ARHGAP29: variants seen among roughly 807,000 people sequenced by gnomAD.
ARHGAP29 encodes the protein Rho GTPase activating protein 29, also known as rho GTPase-activating protein 29.
In ARHGAP29, 43 loss-of-function variants were observed where a neutral mutation model predicts 122.6. The observed-to-expected ratio is 0.35, with a 90% CI of 0.27 to 0.45. ARHGAP29 has a LOEUF of 0.45. Among genes scored for constraint, ARHGAP29 ranks in the 20% least tolerant of loss-of-function variants. The pLI is 1.00. For synonymous variants in ARHGAP29, 506 were observed against 497.1 expected (o/e 1.02, Z -0.24); for missense variants, 1,303 against 1,477.2 (o/e 0.88, Z 1.93).
Position 94,213,869 on chromosome 1 carries a change from TTATCA to T in ARHGAP29, c.341-4524_341-4520del, listed in dbSNP as rs1199122480. ...AGATGTTCAAAAATGTTAGCTATTA[TTATCA>T]TATAACACAAAACACTGTCAACAAT... On this transcript the variant is annotated intron_variant, in intron 3 of 22. Coordinates refer to ENST00000260526, the MANE Select transcript of ARHGAP29 (RefSeq NM_004815.4). Among the ~76,000 whole-genome samples the T allele has an allele frequency of 7.2e-5, 11 of 152,226 alleles. No homozygotes were observed. The East Asian group carries it at 9.6e-4, about 13-fold the overall frequency.
At chr1:94,300,344 T>G in the ARHGAP29 span, among the ~76,000 whole-genome samples, 1 of 152,226 alleles carries the variant, frequency 6.6e-6, no homozygotes, top group Non-Finnish European at 1.5e-5. Flanking sequence ...GAGCCCTAAG[T>G]AGCTCCACTT....
upstream of ARHGAP29, among the ~76,000 whole-genome samples, chr1:94,280,016 C>CCTGTGATACAGTACTTTTT (rs1655299024): frequency 6.6e-6 from 1 of 151,904 alleles, no homozygotes; most frequent in Admixed American, 6.6e-5. Context: ...CTTGTTTTTT[C>CCTGTGATACAGTACTTTTT]CTGTGATACA....
chr1:94,169,377 T>C lies in ARHGAP29; in HGVS notation c.*4492A>G, dbSNP rs1387020062. Among the ~76,000 whole-genome samples, 1 of 152,116 alleles carries C rather than the reference T, an allele frequency of 6.6e-6. No individual in the cohort carries two copies. The highest frequency in any genetic ancestry group is 1.5e-5 in the Non-Finnish European group (1 of 68,024). On this transcript the variant is annotated 3_prime_UTR_variant, in exon 23 of 23. Transcript: ENST00000260526. The stretch of plus-strand genomic sequence containing the variant: ...AGCGCTGCTATGACTGCGGATTTAT[T>C]TGGCATATTTGGGACTGGGTGTGAT...
rs962474462 is a variant in ARHGAP29 at position 94,206,153 on chromosome 1, T to C, written c.511-470A>G. 3.6e-4 allele frequency among the ~76,000 whole-genome samples: 55 copies of C among 152,228 alleles called. 1 individual carries two copies. The highest frequency in any genetic ancestry group is 1.6e-4 in the Non-Finnish European group (11 of 68,032). Reference sequence around the variant, plus strand: ...TATGATGATGGAAGTGTTTTATATCTGTACTGTCCAATAAAGTAGCTAATA... The same window carrying C: ...TATGATGATGGAAGTGTTTTATATCCGTACTGTCCAATAAAGTAGCTAATA... On this transcript the variant is annotated intron_variant, in intron 5 of 22. Coordinates refer to ENST00000260526, the MANE Select transcript of ARHGAP29 (RefSeq NM_004815.4).
intron 1 of ARHGAP29, among the ~76,000 whole-genome samples, chr1:94,255,497 G>C (rs1654306444): frequency 6.6e-6 from 1 of 152,216 alleles, no homozygotes; most frequent in African/African-American, 2.4e-5. Context: ...ATGGGTTCTA[G>C]TTGGATCCAG....
intron 1 of ARHGAP29, among the ~76,000 whole-genome samples, chr1:94,253,137 AT>A (rs1265100957): frequency 4.6e-5 from 7 of 151,952 alleles, no homozygotes; most frequent in Admixed American, 2.6e-4. Flanking sequence ...CAGCCGGCTA[AT>A]TTTTTGTATG....
chr1:94,271,345 T>G (rs1462392363), intron 1 of ARHGAP29, among the ~76,000 whole-genome samples: 1 of 152,208 alleles, frequency 6.6e-6, no homozygotes, highest in Non-Finnish European at 1.5e-5. Flanking sequence ...TACCTTTGCT[T>G]TGTTCTATTT....
intron 2 of ARHGAP29, among the ~76,000 whole-genome samples, chr1:94,228,936 A>G (rs2101607779): frequency 6.6e-6 from 1 of 151,994 alleles, no homozygotes; most frequent in Middle Eastern, 3.4e-3. Context: ...ATTTAATTGT[A>G]TATCTACATT....
At chr1:94,186,204 TATTAG>T (rs1350030977) in intron 16 of ARHGAP29, among the ~76,000 whole-genome samples, 1 of 152,216 alleles carries the variant, frequency 6.6e-6, no homozygotes, top group Non-Finnish European at 1.5e-5. Context: ...TAAGTCACAG[TATTAG>T]GTTTATGAAA....
chr1:94,190,182 C>T, intron 12 of ARHGAP29, 99 bp from the exon 13 acceptor site: 1 of 1,264,716 alleles, frequency 7.9e-7, no homozygotes, highest in Non-Finnish European at 1.1e-6. Context: ...AAATGCCATA[C>T]AGTGAAGCAT....
the ARHGAP29 span, among the ~76,000 whole-genome samples, chr1:94,314,381 G>T: frequency 6.6e-6 from 1 of 152,158 alleles, no homozygotes; most frequent in Admixed American, 6.5e-5. Flanking sequence ...ATAAGTATTG[G>T]GGTTAACTGA....
the ARHGAP29 span, among the ~76,000 whole-genome samples, chr1:94,280,703 A>C: frequency 2.0e-5 from 3 of 152,222 alleles, no homozygotes; most frequent in African/African-American, 7.2e-5. Context: ...AACTGTAGCA[A>C]AGGGCAGGAA....
At chr1:94,205,914 TTAC>T (rs765520999) in intron 5 of ARHGAP29, among the ~76,000 whole-genome samples, 95 of 152,334 alleles carry the variant, frequency 6.2e-4, no homozygotes, top group Non-Finnish European at 1.2e-3. Flanking sequence ...CTCACTGTTG[TTAC>T]TAACAGCATT....
At chr1:94,290,922 T>C in the ARHGAP29 span, among the ~76,000 whole-genome samples, 3 of 152,164 alleles carry the variant, frequency 2.0e-5, no homozygotes, top group Non-Finnish European at 4.4e-5. Flanking sequence ...GAGAGTTTGG[T>C]AGATGTCTAT....
At chr1:94,297,098 T>G in the ARHGAP29 span, among the ~76,000 whole-genome samples, 14 of 152,030 alleles carry the variant, frequency 9.2e-5, no homozygotes, top group Admixed American at 8.5e-4. Context: ...TGACAGTCTT[T>G]CCAGTGTCAA....
Position 94,189,976 on chromosome 1 carries a change from G to A in ARHGAP29, c.1389C>T (p.Tyr463=). 1.2e-6 allele frequency: 2 copies of A among 1,613,366 alleles called. No individual in the cohort carries two copies. The highest frequency in any genetic ancestry group is 1.7e-6 in the Non-Finnish European group (2 of 1,179,560). ...AATTTGTGGCCTTGACAAATTCACT[G>A]TACTCTTGGCCTGGGTCATAGAGTT... ...SAKLYDPGQE[Y]SEFVKATNST... is the part of the protein sequence containing the mutation. The change falls in exon 13 of 23, where the codon TAC becomes TAT. Residue 463 remains tyrosine (Y), a synonymous_variant. Transcript: ENST00000260526.
exon 1 of ARHGAP29, chr1:94,275,012 C>T (rs971665803): frequency 6.6e-6 from 1 of 152,212 alleles, no homozygotes; most frequent in African/African-American, 2.4e-5. Flanking sequence ...ATCTACTCAC[C>T]CAAAGAGCAG....
At chr1:94,207,072 G>C (rs757232428) in intron 5 of ARHGAP29, among the ~76,000 whole-genome samples, 1 of 144,748 alleles carries the variant, frequency 6.9e-6, no homozygotes, top group Non-Finnish European at 1.5e-5. Context: ...GCAGCGCCAC[G>C]ATCTTGGCTC....
In ARHGAP29 at chr1:94,256,536, C is replaced by CTTTTTTTTTTTTTTT. The variant is rs530295333; in HGVS notation, c.-33+18461_-33+18475dup. 4.0e-4 allele frequency among the ~76,000 whole-genome samples: 18 copies of CTTTTTTTTTTTTTTT among 45,330 alleles called. 5 individuals carry two copies. Among genetic ancestry groups the CTTTTTTTTTTTTTTT allele is most frequent in the South Asian group, 2.2e-3 (2 of 926 alleles). 29.7% of individuals were successfully genotyped at this position (45,330 alleles called of 152,430 possible). On this transcript the variant is annotated intron_variant and NMD_transcript_variant, in intron 1 of 25. Transcript: ENST00000552844. ...CAGAAATAGATTTAACAGTACTAAT[C>CTTTTTTTTTTTTTTT]TTTTTTTTTTTTTTTTTTTTTTTTT...
Sources: gnomAD v4.1 joint callset for allele counts (sites outside exome capture counted in the v4.1 genomes callset) on GRCh38, gnomAD v4.1.1 for gene constraint, MANE v1.5 for transcripts, NCBI Gene and HGNC (gene_info 2026-07-23, HGNC 2026-07-21) for gene names.